BBX: variants seen among roughly 807,000 people sequenced by gnomAD.
The protein encoded by BBX is BBX high mobility group box domain containing, also known as HMG box transcription factor BBX.
Under a neutral mutation model 100.2 loss-of-function variants are expected in BBX, and 30 were observed. The ratio of observed to expected loss-of-function variants is 0.30; its 90% CI spans 0.22 to 0.41. BBX has a LOEUF of 0.41. Ranked by LOEUF, BBX falls within the 10% of genes least tolerant of loss-of-function variation. BBX has a pLI of 1.00. For missense variants in BBX, 1,023 were observed against 1,129.8 expected (o/e 0.91, Z 1.35); for synonymous variants, 376 against 388.1 (o/e 0.97, Z 0.37).
intron 5 of BBX, among the ~76,000 whole-genome samples, chr3:107,726,767 C>T (rs2062976133): frequency 6.6e-6 from 1 of 152,028 alleles, no homozygotes; most frequent in East Asian, 1.9e-4. Flanking sequence ...AAACTGTGGA[C>T]TGTAAGCAAT....
chr3:107,683,981 G>C (rs1212363120), intron 3 of BBX, among the ~76,000 whole-genome samples: 4 of 152,170 alleles, frequency 2.6e-5, no homozygotes, highest in African/African-American at 7.2e-5. Flanking sequence ...TTAGGCTTCA[G>C]TTAAATCCTA....
At chr3:107,779,180 C>A (rs2067617868) in intron 13 of BBX, among the ~76,000 whole-genome samples, 1 of 151,482 alleles carries the variant, frequency 6.6e-6, no homozygotes, top group South Asian at 2.1e-4. Flanking sequence ...TCATCAGTGA[C>A]AATGCTGCAG....
chr3:107,755,714 A>G (rs756408349), intron 10 of BBX, 36 bp downstream of exon 10: 7 of 1,539,150 alleles, frequency 4.5e-6, no homozygotes, highest in East Asian at 4.5e-5. Context: ...TAAGATCTGC[A>G]GAGGTGGAAA....
intron 2 of BBX, among the ~76,000 whole-genome samples, chr3:107,587,504 A>G (rs941015326): frequency 2.0e-5 from 3 of 152,178 alleles, no homozygotes; most frequent in Non-Finnish European, 2.9e-5. Flanking sequence ...ATATGTTACA[A>G]AGTTTTTCCA....
At chr3:107,696,432 T>G (rs1280279446) in intron 3 of BBX, among the ~76,000 whole-genome samples, 14 of 151,324 alleles carry the variant, frequency 9.3e-5, no homozygotes, top group East Asian at 3.9e-4. Context: ...GTCTGTAAAG[T>G]ATTTTATTTC....
intron 10 of BBX, among the ~76,000 whole-genome samples, chr3:107,770,861 C>T (rs9845070): frequency 0.11 from 16,140 of 152,136 alleles, 1,068 homozygotes; most frequent in Middle Eastern, 0.16. Flanking sequence ...ATTGGTGATG[C>T]ATTGAAAATA....
chr3:107,772,700 A>G lies in BBX; in HGVS notation c.979A>G (p.Arg327Gly). The G allele has an allele frequency of 1.2e-6, 2 of 1,607,682 alleles. No homozygotes were observed. The highest frequency in any genetic ancestry group is 1.7e-6 in the Non-Finnish European group (2 of 1,178,566). The stretch of plus-strand genomic sequence containing the variant: ...AAAAGCAAAAGAATCCGATGGTGGA[A>G]GAATTAAAGAATTAGAGAAGGGAAA... ...LIKAKESDGG[R>G]IKELEKGKEE... Residue 327 changes from arginine (R) to glycine (G), a missense_variant, in exon 11 of 18, where the codon AGA becomes GGA. By Grantham distance (125) the Arg-to-Gly change is moderately radical (BLOSUM62 -2). This residue lies in a region of BBX where 348 missense variants were observed against 353.2 expected (regional missense o/e 0.99). Transcript: ENST00000325805.
At chr3:107,753,926 A>T (rs2065267201) in intron 9 of BBX, among the ~76,000 whole-genome samples, 1 of 152,172 alleles carries the variant, frequency 6.6e-6, no homozygotes, top group African/African-American at 2.4e-5. Flanking sequence ...AAAGGTGTTT[A>T]TGTTTATTAA....
At position 107,773,982 on chromosome 3, in the gene BBX, G is replaced by A. The variant is rs949656286; in HGVS notation, c.1915+346G>A. ...TGGTTTTGAAAACTGGTGGAATTTCGAGAATCAAGCACGTATGTTTGTCAG... is the reference window on the plus strand; with the variant it reads ...TGGTTTTGAAAACTGGTGGAATTTCAAGAATCAAGCACGTATGTTTGTCAG... On this transcript the variant is annotated intron_variant, in intron 11 of 17. Transcript: ENST00000325805. This position sits in a 1 kb window ranked among gnomAD's most constrained non-coding sequence, Gnocchi z 4.1. Among the ~76,000 whole-genome samples the A allele has an allele frequency of 1.3e-5, 2 of 152,056 alleles. No individual in the cohort carries two copies. The highest frequency in any genetic ancestry group is 4.8e-5 in the African/African-American group (2 of 41,394).
At chr3:107,647,953 T>A (rs2057621671) in intron 3 of BBX, among the ~76,000 whole-genome samples, 1 of 152,182 alleles carries the variant, frequency 6.6e-6, no homozygotes, top group South Asian at 2.1e-4. Context: ...GTGGCACATG[T>A]CATTAACTCT....
chr3:107,588,016 G>A (rs1315701208), intron 2 of BBX, among the ~76,000 whole-genome samples: 2 of 152,290 alleles, frequency 1.3e-5, no homozygotes, highest in East Asian at 1.9e-4. Flanking sequence ...TTAACAATAC[G>A]TATCACTGAC....
chr3:107,744,914 T>A (rs1022425575), intron 8 of BBX, among the ~76,000 whole-genome samples: 6 of 152,204 alleles, frequency 3.9e-5, no homozygotes, highest in Non-Finnish European at 7.3e-5. Flanking sequence ...TTATAGAAGC[T>A]TATCATTAAA....
intron 9 of BBX, among the ~76,000 whole-genome samples, chr3:107,749,697 A>G (rs954222830): frequency 6.6e-6 from 1 of 150,400 alleles, no homozygotes. Flanking sequence ...GCAGTGGTGC[A>G]ATCTCGGCTC....
At chr3:107,674,469 T>C (rs1267333750) in intron 3 of BBX, among the ~76,000 whole-genome samples, 1 of 152,186 alleles carries the variant, frequency 6.6e-6, no homozygotes, top group Non-Finnish European at 1.5e-5. Context: ...CTTGCGCTAG[T>C]AATGACTTTG....
intron 2 of BBX, among the ~76,000 whole-genome samples, chr3:107,605,055 A>T (rs2054328487): frequency 6.6e-6 from 1 of 152,198 alleles, no homozygotes; most frequent in African/African-American, 2.4e-5. Context: ...GTACTCGGTG[A>T]GATGCCTTTT....
intron 3 of BBX, among the ~76,000 whole-genome samples, chr3:107,677,098 G>T (rs1244905700): frequency 6.6e-6 from 1 of 151,904 alleles, no homozygotes; most frequent in Non-Finnish European, 1.5e-5. Flanking sequence ...CTCATCATAG[G>T]AAACGTTTCT....
Position 107,697,271 on chromosome 3 carries a change from G to A in BBX, c.-9-13181G>A, listed in dbSNP as rs1395195816. 1.1e-4 allele frequency among the ~76,000 whole-genome samples: 16 copies of A among 151,832 alleles called. 2 individuals carry two copies. Among genetic ancestry groups the A allele is most frequent in the East Asian group, 3.8e-4 (2 of 5,196 alleles). ...TGTGTTCCTTTCGAGGAGGAGAGGC[G>A]CTCTGCTGTTTAGAGTTTCCAGTTT... On this transcript the variant is annotated intron_variant, in intron 3 of 17. Transcript: ENST00000325805.
intron 10 of BBX, among the ~76,000 whole-genome samples, chr3:107,765,767 G>C (rs560015165): frequency 4.6e-5 from 7 of 152,308 alleles, no homozygotes; most frequent in Admixed American, 1.3e-4. Context: ...ACTGGCTGGA[G>C]ACTGGGGAAT....
intron 2 of BBX, among the ~76,000 whole-genome samples, chr3:107,543,741 T>C (rs533606226): frequency 7.2e-5 from 11 of 152,326 alleles, no homozygotes; most frequent in Admixed American, 5.2e-4. Context: ...CTCATCCTAA[T>C]CTTAAGCAAA....
Sources: gnomAD v4.1 joint callset for allele counts (sites outside exome capture counted in the v4.1 genomes callset) on GRCh38, gnomAD v4.1.1 for gene constraint, gnomAD v4.1.1 regional missense constraint, Gnocchi (gnomAD v3.1) non-coding constraint, MANE v1.5 for transcripts, NCBI Gene and HGNC (gene_info 2026-07-23, HGNC 2026-07-21) for gene names.